CARS1: variants seen among roughly 807,000 people sequenced by gnomAD.
The protein encoded by CARS1 is cysteinyl-tRNA synthetase 1, also known as cysteine--tRNA ligase, cytoplasmic.
Under a neutral mutation model 106.2 loss-of-function variants are expected in CARS1, and 48 were observed. That is an observed-to-expected ratio of 0.45 (90% CI 0.36 to 0.57). The LOEUF (loss-of-function observed/expected upper bound fraction) is 0.57. CARS1 is among the 20% of genes least tolerant of loss of function. The probability of loss-of-function intolerance (pLI) is 0.00; values close to 1 mark genes in which losing one functional copy is unlikely to be tolerated. For missense variants in CARS1, 968 were observed against 1,057.2 expected, an observed-to-expected ratio of 0.92 and a Z score of 1.17; for synonymous variants, 409 against 403.4, an observed-to-expected ratio of 1.01 and a Z score of -0.17.
In CARS1 at chr11:3,043,538, C is replaced by G. The variant is rs144765079; in HGVS notation, c.275-1282G>C. Among the ~76,000 whole-genome samples, 10 of 151,352 alleles carry G rather than the reference C, an allele frequency of 6.6e-5. No individual in the cohort carries two copies. The East Asian group carries it at 1.9e-3, about 29-fold the overall frequency. On this transcript the variant is annotated intron_variant, in intron 2 of 22. Transcript: ENST00000380525. This position sits in a 1 kb window ranked among gnomAD's most constrained non-coding sequence, Gnocchi z 4.0. ...TGCTGAGTGGCACCAGGAAGGCCTA[C>G]GAGATGGATACTCCTAGCACTGACC...
Position 3,006,865 on chromosome 11 carries a change from A to C in CARS1, c.2149+14T>G. The C allele has an allele frequency of 6.2e-7, 1 of 1,610,162 alleles. No individual in the cohort carries two copies. ...TCCTGGTAACTTTGTAGCAAACAGC[A>C]AGGGCTCACCCACCTTCGTGGTCTT... On this transcript the variant is annotated intron_variant, in intron 19 of 22. Coordinates refer to ENST00000380525, the MANE Select transcript of CARS1 (RefSeq NM_001014437.3).
chr11:3,026,779 A>G lies in CARS1; in HGVS notation c.1050T>C (p.Ser350=). ...CAAACTTCGCTGTATCAAAGTAGACAGACCCATTGGAGACATAGCTGGAAA... is the reference window on the plus strand; with the variant it reads ...CAAACTTCGCTGTATCAAAGTAGACGGACCCATTGGAGACATAGCTGGAAA... The part of the protein sequence containing the change: ...DNGYGYVSNG[S]VYFDTAKFAS... Residue 350 remains serine (S), a synonymous_variant, in exon 10 of 23, where the codon TCT becomes TCC. Transcript: ENST00000380525. The G allele has an allele frequency of 6.2e-7, 1 of 1,613,090 alleles. No homozygotes were observed. The highest frequency in any genetic ancestry group is 8.5e-7 in the Non-Finnish European group (1 of 1,179,522).
chr11:3,040,915 A>T lies in CARS1; in HGVS notation c.436T>A (p.Ser146Thr), dbSNP rs766174547. The T allele has an allele frequency of 6.2e-7, 1 of 1,614,090 alleles. No individual in the cohort carries two copies. The highest frequency in any genetic ancestry group is 1.1e-5 in the South Asian group (1 of 91,068). ...YCCGPTVYDA[S>T]HMGHARSYIS... ...ACCTACCTGGCGTGCCCCATGTGAG[A>T]TGCGTCATAGACGGTTGGCCCACAG... is the stretch of plus-strand genomic sequence containing the variant. Residue 146 changes from serine to threonine, a missense_variant, in exon 4 of 23, where the codon TCT becomes ACT. Physicochemically the swap from Ser to Thr is moderately conservative, Grantham distance 58. Coordinates refer to ENST00000380525, the MANE Select transcript of CARS1 (RefSeq NM_001014437.3). The surrounding 1 kb of genome is among the most constrained non-coding windows in gnomAD (Gnocchi z 5.8).
In CARS1 at chr11:3,043,388, C is replaced by T. The variant is rs529327165; in HGVS notation, c.275-1132G>A. 9.2e-5 allele frequency among the ~76,000 whole-genome samples: 14 copies of T among 152,160 alleles called. No individual in the cohort carries two copies. The East Asian group carries it at 2.7e-3, about 29-fold the overall frequency. ...CCTCAGCCGGCTCCTGCCTGCCCTG[C>T]CCCCTCAGCAGATCCCCACTTTTCT... On this transcript the variant is annotated intron_variant, in intron 2 of 22. Coordinates refer to ENST00000380525, the MANE Select transcript of CARS1 (RefSeq NM_001014437.3). The surrounding 1 kb of genome is among the most constrained non-coding windows in gnomAD (Gnocchi z 4.0).
chr11:3,025,316 C>T (rs977031018), intron 10 of CARS1, among the ~76,000 whole-genome samples: 4 of 152,194 alleles, frequency 2.6e-5, no homozygotes, highest in African/African-American at 9.7e-5. Context: ...TAACCTCTGC[C>T]TCCTGGGTTC....
chr11:3,055,309 G>A (rs747170709), intron 1 of CARS1, among the ~76,000 whole-genome samples: 2 of 152,142 alleles, frequency 1.3e-5, no homozygotes, highest in African/African-American at 2.4e-5. Flanking sequence ...CCGCCACCGC[G>A]CCCGGCTAAT....
At chr11:3,026,842 G>A (rs769400751) in intron 9 of CARS1, 45 bp from the exon 10 acceptor site, 15 of 1,582,484 alleles carry the variant, frequency 9.5e-6, no homozygotes, top group African/African-American at 2.7e-5. Context: ...TAACAGACCC[G>A]AAAGTGTGTC....
intron 19 of CARS1, among the ~76,000 whole-genome samples, chr11:3,006,424 C>A (rs745953012): frequency 6.6e-6 from 1 of 152,084 alleles, no homozygotes; most frequent in African/African-American, 2.4e-5. Context: ...CCGGCCTGGG[C>A]GACAGAGCGA....
intron 7 of CARS1, among the ~76,000 whole-genome samples, chr11:3,036,616 G>T (rs1396365948): frequency 3.3e-5 from 5 of 152,232 alleles, no homozygotes; most frequent in Non-Finnish European, 7.3e-5. Context: ...CAATACGGTG[G>T]TTACGCAGAA....
At chr11:3,007,813 T>G (rs1428082490) in intron 18 of CARS1, 1 of 152,308 alleles carries the variant, frequency 6.6e-6, no homozygotes, top group Non-Finnish European at 1.5e-5. Context: ...TCACGCAGTC[T>G]CTAGCAGGCG....
At chr11:3,018,850 G>A in intron 12 of CARS1, 101 bp from the exon 13 acceptor site, 1 of 1,471,698 alleles carries the variant, frequency 6.8e-7, no homozygotes, top group Non-Finnish European at 9.1e-7. Context: ...TCCACAGGCA[G>A]GAGCTGCGTT....
Position 3,014,426 on chromosome 11 carries a change from C to T in CARS1, c.1986+1355G>A, listed in dbSNP as rs182831346. On this transcript the variant is annotated intron_variant, in intron 17 of 22. Transcript: ENST00000380525. ...TCACCATTCGCCGCAGCTGCTTCTT[C>T]GCAATCAGCTGACTGCAAAGGCCAA... is the stretch of plus-strand genomic sequence containing the variant. Among the ~76,000 whole-genome samples the T allele has an allele frequency of 2.0e-3, 306 of 152,350 alleles. 1 individual carries two copies. Among genetic ancestry groups the T allele is most frequent in the Middle Eastern group, 0.01 (3 of 294 alleles).
intron 10 of CARS1, among the ~76,000 whole-genome samples, chr11:3,025,339 T>G (rs909945457): frequency 6.6e-6 from 1 of 152,214 alleles, no homozygotes; most frequent in African/African-American, 2.4e-5. Flanking sequence ...GTGATTCTCA[T>G]GCCTCAGCCT....
chr11:3,014,659 T>G (rs187865853), intron 17 of CARS1, among the ~76,000 whole-genome samples: 16 of 152,330 alleles, frequency 1.1e-4, no homozygotes, highest in Non-Finnish European at 2.4e-4. Context: ...TGGGTTTTCT[T>G]AAAAGCACCA....
rs34717371 is a variant in CARS1, at chr11:3,016,222, CTT to C, written c.1918-375_1918-374del. On this transcript the variant is annotated intron_variant, in intron 16 of 22. Coordinates refer to ENST00000380525, the MANE Select transcript of CARS1 (RefSeq NM_001014437.3). ...AGGCCTTGTCCCTGGTTTTGCTTCTCTTTTTTTTTTTTTTTTGAGATGGAATC... is the reference window on the plus strand; with the variant it reads ...AGGCCTTGTCCCTGGTTTTGCTTCTCTTTTTTTTTTTTTTGAGATGGAATC... 3.0e-3 allele frequency among the ~76,000 whole-genome samples: 416 copies of C among 136,728 alleles called. 3 individuals carry two copies. Among genetic ancestry groups the C allele is most frequent in the African/African-American group, 9.4e-3 (345 of 36,596 alleles). 89.7% of individuals were successfully genotyped at this position (136,728 alleles called of 152,430 possible). A position where few individuals can be genotyped will look rare whatever the true frequency, so the allele number is the denominator to read the frequency against.
Position 3,047,831 on chromosome 11 carries a change from C to T in CARS1, c.196G>A (p.Val66Met), listed in dbSNP as rs754595431. 2.0e-5 allele frequency: 32 copies of T among 1,614,170 alleles called. No individual in the cohort carries two copies. The highest frequency in any genetic ancestry group is 4.5e-5 in the East Asian group (2 of 44,880). The change falls in exon 2 of 23, where the codon GTG (valine) becomes ATG (methionine). Residue 66 changes from valine (V) to methionine (M), a missense_variant. Val to Met is a conservative substitution (Grantham distance 21). Coordinates refer to ENST00000380525, the MANE Select transcript of CARS1 (RefSeq NM_001014437.3). ...TCTATGTGCCTGAACCACCGAGCCA[C>T]GTGGAAGAGCTGGGGGTCAGCGGGC... ...APPADPQLFH[V>M]ARWFRHIEAL...
intron 1 of CARS1, among the ~76,000 whole-genome samples, chr11:3,049,666 C>T (rs1407622133): frequency 6.6e-6 from 1 of 152,262 alleles, no homozygotes; most frequent in Non-Finnish European, 1.5e-5. Context: ...ATGCACATGT[C>T]TGGCCACCCC....
At position 3,047,651 on chromosome 11, in the gene CARS1, C is replaced by T. The variant is rs1217896927; in HGVS notation, c.274+102G>A. On this transcript the variant is annotated intron_variant, in intron 2 of 22. Transcript: ENST00000380525. ...GAGACACACTTGGGCGAGGCTCCCT[C>T]TGGGGTATCCGCAGACGCCAGGTAA... 2.0e-6 allele frequency: 3 copies of T among 1,471,668 alleles called. No homozygotes were observed. The African/African-American group carries it at 4.2e-5, about 21-fold the overall frequency. 91.2% of individuals were successfully genotyped at this position (1,471,668 alleles called of 1,614,324 possible).
chr11:3,018,473 T>A lies in CARS1; in HGVS notation c.1564A>T (p.Lys522Ter). The change falls in exon 14 of 23, where the codon AAG becomes TAG. Residue 522 changes from lysine to a stop codon, truncating the protein, a stop_gained. Transcript: ENST00000380525. LOFTEE classifies it high-confidence loss of function. The stretch of plus-strand genomic sequence containing the variant: ...TTGCTGGAGTAGTCCAGGGTGTCCT[T>A]CCACGAGTGCATGAGGAAGGCCAGC... ...LRLAFLMHSW[K>*]DTLDYSSNTM... The A allele has an allele frequency of 6.2e-7, 1 of 1,614,148 alleles. No individual in the cohort carries two copies. Among genetic ancestry groups the A allele is most frequent in the Non-Finnish European group, 8.5e-7 (1 of 1,180,018 alleles).
Sources: gnomAD v4.1 joint callset for allele counts (sites outside exome capture counted in the v4.1 genomes callset) on GRCh38, gnomAD v4.1.1 for gene constraint, Gnocchi (gnomAD v3.1) non-coding constraint, MANE v1.5 for transcripts, NCBI Gene and HGNC (gene_info 2026-07-23, HGNC 2026-07-21) for gene names.